The following STRBP variants were observed in gnomAD, a reference collection of about 807,000 sequenced individuals.
STRBP encodes the protein spermatid perinuclear RNA-binding protein.
A neutral mutation model predicts 80.1 loss-of-function variants in STRBP; 13 were observed. The observed-to-expected ratio is 0.16, with a 90% CI of 0.11 to 0.26. The LOEUF is 0.26. Ranked by LOEUF, STRBP falls within the 10% of genes least tolerant of loss-of-function variation. The pLI is 1.00. For missense variants in STRBP, 485 were observed against 815.2 expected, an observed-to-expected ratio of 0.59 and a Z score of 4.93; for synonymous variants, 284 against 291.2, an observed-to-expected ratio of 0.98 and a Z score of 0.25.
Position 123,136,270 on chromosome 9 carries a change from A to C in STRBP, c.1633-89T>G. On this transcript the variant is annotated intron_variant, in intron 15 of 18. Transcript: ENST00000348403. The surrounding 1 kb of genome is among the most constrained non-coding windows in gnomAD (Gnocchi z 4.2). ...ATAGATTATGACACAGAAAACACCAAAAATCAAATAGTGCCACAAGAACTG... is the reference window on the plus strand; with the variant it reads ...ATAGATTATGACACAGAAAACACCACAAATCAAATAGTGCCACAAGAACTG... 3 of 1,594,932 alleles carry C rather than the reference A, an allele frequency of 1.9e-6. No individual in the cohort carries two copies. In the South Asian group the frequency reaches 3.4e-5, roughly 18 times the overall value.
At chr9:123,196,856 A>G (rs1243032554) in intron 2 of STRBP, among the ~76,000 whole-genome samples, 1 of 152,234 alleles carries the variant, frequency 6.6e-6, no homozygotes, top group Non-Finnish European at 1.5e-5. Context: ...ACATGGAACT[A>G]CTATATGATT....
chr9:123,246,143 A>G (rs1346359283), intron 1 of STRBP, among the ~76,000 whole-genome samples: 2 of 152,258 alleles, frequency 1.3e-5, no homozygotes, highest in Admixed American at 1.3e-4. Flanking sequence ...AAAAGGAAAG[A>G]TTTAAAATAA....
chr9:123,256,250 C>T (rs913014248), intron 1 of STRBP, among the ~76,000 whole-genome samples: 2 of 151,962 alleles, frequency 1.3e-5, no homozygotes, highest in African/African-American at 4.8e-5. Context: ...AACTCCTGAG[C>T]TCAACTGATC....
intron 2 of STRBP, among the ~76,000 whole-genome samples, chr9:123,207,817 G>A (rs1440264956): frequency 6.6e-6 from 1 of 152,036 alleles, no homozygotes; most frequent in African/African-American, 2.4e-5. Context: ...AAAAAAATCT[G>A]AAACAAGTTT....
intron 1 of STRBP, among the ~76,000 whole-genome samples, chr9:123,262,402 G>A (rs2041177659): frequency 6.6e-6 from 1 of 152,178 alleles, no homozygotes; most frequent in Non-Finnish European, 1.5e-5. Flanking sequence ...ATAGGATATT[G>A]TGAAAAATCC....
At chr9:123,252,019 G>A (rs1411596097) in intron 1 of STRBP, among the ~76,000 whole-genome samples, 1 of 151,374 alleles carries the variant, frequency 6.6e-6, no homozygotes. Context: ...AGCTTGCATA[G>A]CACCATCTAT....
At chr9:123,208,661 T>TG (rs1222359224) in intron 2 of STRBP, among the ~76,000 whole-genome samples, 1 of 152,212 alleles carries the variant, frequency 6.6e-6, no homozygotes, top group Non-Finnish European at 1.5e-5. Flanking sequence ...CTTTACCACA[T>TG]GGTCTTTCTT....
chr9:123,202,189 G>A (rs1245035495), intron 2 of STRBP, among the ~76,000 whole-genome samples: 3 of 152,158 alleles, frequency 2.0e-5, no homozygotes, highest in African/African-American at 7.2e-5. Context: ...CTGTATGTTA[G>A]GTGGAGCTAG....
chr9:123,160,535 G>T, intron 7 of STRBP, 73 bp from the exon 8 acceptor site: 2 of 1,155,950 alleles, frequency 1.7e-6, no homozygotes, highest in South Asian at 4.0e-5. Context: ...TCTTTCAAGT[G>T]AATACTAAGT....
chr9:123,132,442 T>A (rs2036174170), intron 17 of STRBP, among the ~76,000 whole-genome samples: 1 of 152,178 alleles, frequency 6.6e-6, no homozygotes, highest in Non-Finnish European at 1.5e-5. Flanking sequence ...AAACATTAAG[T>A]TTAACAAACA....
chr9:123,137,668 A>G (rs1299995464), intron 14 of STRBP, among the ~76,000 whole-genome samples: 3 of 152,224 alleles, frequency 2.0e-5, no homozygotes, highest in Admixed American at 6.5e-5. Context: ...TCAGCCTCCC[A>G]AAGTGCTGGG....
intron 1 of STRBP, among the ~76,000 whole-genome samples, chr9:123,240,219 T>G (rs1007399336): frequency 1.8e-4 from 27 of 152,336 alleles, no homozygotes; most frequent in African/African-American, 6.3e-4. Context: ...TTTTTCTCCT[T>G]CAATTTAGCA....
chr9:123,147,927 C>T, intron 11 of STRBP, 57 bp from the exon 12 acceptor site: 1 of 1,409,730 alleles, frequency 7.1e-7, no homozygotes, highest in Non-Finnish European at 9.8e-7. Context: ...CCTTACCGTA[C>T]CATATGTATC....
At chr9:123,217,103 C>T (rs2039923716) in intron 2 of STRBP, among the ~76,000 whole-genome samples, 1 of 152,168 alleles carries the variant, frequency 6.6e-6, no homozygotes, top group Non-Finnish European at 1.5e-5. Flanking sequence ...TAAAGTCAGG[C>T]TTCCCATTTA....
Position 123,122,411 on chromosome 9 carries a change from T to C in STRBP, c.*3186A>G. 8.3e-7 allele frequency: 1 copy of C among 1,199,772 alleles called. No homozygotes were observed. Among genetic ancestry groups the C allele is most frequent in the Non-Finnish European group, 1.1e-6 (1 of 949,502 alleles). The allele number at this position is 1,199,772 out of a possible 1,614,324, so 74.3% of individuals were successfully genotyped here. Reference sequence around the variant, plus strand: ...CTCTTCAATTAATAATGGTGGCTGATTCATGATTTTCAAACATTCACCCAA... The same window carrying C: ...CTCTTCAATTAATAATGGTGGCTGACTCATGATTTTCAAACATTCACCCAA... On this transcript the variant is annotated 3_prime_UTR_variant, in exon 19 of 19. Coordinates refer to ENST00000348403, the MANE Select transcript of STRBP (RefSeq NM_018387.5).
At chr9:123,178,877 T>C in intron 4 of STRBP, 130 bp downstream of exon 4, 1 of 701,982 alleles carries the variant, frequency 1.4e-6, no homozygotes, top group African/African-American at 1.8e-5. Flanking sequence ...AACATTTACT[T>C]CCTTGGTTAT....
At chr9:123,118,376 C>A (rs1265061494), downstream of STRBP, among the ~76,000 whole-genome samples, 1 of 152,232 alleles carries the variant, frequency 6.6e-6, no homozygotes, top group Non-Finnish European at 1.5e-5. Context: ...CATGCAGACA[C>A]CTTTTGTCCA....
chr9:123,119,527 T>C (rs1291214451), downstream of STRBP, among the ~76,000 whole-genome samples: 3 of 152,008 alleles, frequency 2.0e-5, no homozygotes, highest in Non-Finnish European at 4.4e-5. Flanking sequence ...TCACCAGGTC[T>C]TTGGGGTGTG....
chr9:123,155,580 A>G (rs1394630398), intron 11 of STRBP, among the ~76,000 whole-genome samples: 1 of 152,204 alleles, frequency 6.6e-6, no homozygotes, highest in Non-Finnish European at 1.5e-5. Context: ...AGGACTATGC[A>G]ATGGTACTGG....
Sources: gnomAD v4.1 joint callset for allele counts (sites outside exome capture counted in the v4.1 genomes callset) on GRCh38, gnomAD v4.1.1 for gene constraint, Gnocchi (gnomAD v3.1) non-coding constraint, MANE v1.5 for transcripts, NCBI Gene and HGNC (gene_info 2026-07-23, HGNC 2026-07-21) for gene names.